EPM2A: variants seen among roughly 807,000 people sequenced by gnomAD.
The protein encoded by EPM2A is laforin.
EPM2A carries 21 observed loss-of-function variants against 26.5 expected under a neutral mutation model. The ratio of observed to expected loss-of-function variants is 0.79; its 90% confidence interval spans 0.56 to 1.14. The LOEUF is 1.14. Among genes scored for constraint, EPM2A ranks in the 50% most tolerant of loss-of-function variants. The probability of loss-of-function intolerance (pLI) is 0.00; values close to 1 mark genes in which losing one functional copy is unlikely to be tolerated. For synonymous variants in EPM2A, 217 were observed against 177.6 expected (o/e 1.22, Z -1.76); for missense variants, 458 against 440.8 (o/e 1.04, Z -0.35).
intron 4 of EPM2A, among the ~76,000 whole-genome samples, chr6:145,412,124 G>A (rs1303917938): frequency 6.6e-6 from 1 of 151,620 alleles, no homozygotes; most frequent in Non-Finnish European, 1.5e-5. Flanking sequence ...GGCTGAGGCA[G>A]GAGAATCTCT....
At chr6:145,722,609 G>T (rs1775999908) in intron 1 of EPM2A, 2 of 251,180 alleles carry the variant, frequency 8.0e-6, no homozygotes, top group Non-Finnish European at 1.6e-5. Context: ...TTTGGTGAAT[G>T]AAGTATTAGA....
chr6:145,599,633 T>G (rs1781390555), intron 2 of EPM2A, among the ~76,000 whole-genome samples: 1 of 152,020 alleles, frequency 6.6e-6, no homozygotes, highest in Non-Finnish European at 1.5e-5. Context: ...GGTCTTTTTC[T>G]TATATATTGG....
Position 145,489,483 on chromosome 6 carries a change from A to C in EPM2A, c.555+13039T>G, listed in dbSNP as rs535327121. 16 of 530,880 alleles carry C rather than the reference A, an allele frequency of 3.0e-5. 1 individual carries two copies. The Middle Eastern group carries it at 2.1e-3, about 71-fold the overall frequency. The allele number at this position is 530,880 out of a possible 1,614,324, so 32.9% of individuals were successfully genotyped here. Reference sequence around the variant, plus strand: ...TCTGGCATTGAGCTGGGGAAGAGGAATCAATTTGTTTCAACAAAAACAATT... The same window carrying C: ...TCTGGCATTGAGCTGGGGAAGAGGACTCAATTTGTTTCAACAAAAACAATT... On this transcript the variant is annotated intron_variant, in intron 4 of 4. Coordinates refer to the EPM2A transcript ENST00000638717.
intron 2 of EPM2A, among the ~76,000 whole-genome samples, chr6:145,616,782 G>A (rs953918785): frequency 5.3e-5 from 8 of 152,196 alleles, no homozygotes; most frequent in South Asian, 4.1e-4. Flanking sequence ...ACTGGGTATC[G>A]AACTTGCATG....
intron 4 of EPM2A, among the ~76,000 whole-genome samples, chr6:145,409,005 G>A (rs764514176): frequency 2.6e-5 from 4 of 152,122 alleles, no homozygotes; most frequent in Non-Finnish European, 4.4e-5. Flanking sequence ...ACCACAGCAA[G>A]TACTAATACC....
At chr6:145,498,302 G>T (rs938386477), downstream of EPM2A, among the ~76,000 whole-genome samples, 1 of 152,172 alleles carries the variant, frequency 6.6e-6, no homozygotes, top group African/African-American at 2.4e-5. Context: ...CATGGAAGTG[G>T]GGCCCTCAGA....
At chr6:145,697,197 A>G (rs1781643124) in intron 1 of EPM2A, among the ~76,000 whole-genome samples, 1 of 152,120 alleles carries the variant, frequency 6.6e-6, no homozygotes, top group Non-Finnish European at 1.5e-5. Context: ...AGAAATTTTA[A>G]AGCTGGGTGT....
intron 4 of EPM2A, among the ~76,000 whole-genome samples, chr6:145,466,407 G>A (rs552984833): frequency 6.6e-6 from 1 of 152,274 alleles, no homozygotes; most frequent in South Asian, 2.1e-4. Context: ...CATCATCACT[G>A]GCCATCAGAG....
intron 4 of EPM2A, among the ~76,000 whole-genome samples, chr6:145,412,830 G>T (rs975406162): frequency 2.6e-5 from 4 of 152,116 alleles, no homozygotes; most frequent in African/African-American, 9.7e-5. Context: ...ATGTGATTTT[G>T]CAAGAGGCCC....
At chr6:145,693,226 G>T (rs968252530) in intron 1 of EPM2A, among the ~76,000 whole-genome samples, 2 of 151,918 alleles carry the variant, frequency 1.3e-5, no homozygotes, top group African/African-American at 4.8e-5. Context: ...GATGCTGTTG[G>T]TATATAGAAA....
intron 2 of EPM2A, among the ~76,000 whole-genome samples, chr6:145,503,313 G>A (rs1285286156): frequency 1.3e-5 from 2 of 149,430 alleles, no homozygotes; most frequent in African/African-American, 5.0e-5. Context: ...GTCCCTGTTT[G>A]CAGACGACAT....
intron 3 of EPM2A, chr6:145,633,577 A>G (rs1251779158): frequency 6.6e-6 from 1 of 152,386 alleles, no homozygotes; most frequent in Non-Finnish European, 1.5e-5. Flanking sequence ...ACACAGATCA[A>G]CAAAGGGGCC....
rs1779735864 is a variant in EPM2A at position 145,490,108 on chromosome 6, A to T, written c.555+12414T>A. The T allele has an allele frequency of 3.3e-6, 4 of 1,219,410 alleles. 1 individual carries two copies. In the South Asian group the frequency reaches 5.8e-5, roughly 18 times the overall value. The allele number at this position is 1,219,410 out of a possible 1,614,324, so 75.5% of individuals were successfully genotyped here. On this transcript the variant is annotated intron_variant, in intron 4 of 4. Transcript: ENST00000638717. Reference sequence around the variant, plus strand: ...CACGCACCTTCCCAATTTGTTATATAATAGTCATTGATATGTCACAGGTTC... The same window carrying T: ...CACGCACCTTCCCAATTTGTTATATTATAGTCATTGATATGTCACAGGTTC...
At chr6:145,443,122 C>T (rs775067045) in intron 4 of EPM2A, among the ~76,000 whole-genome samples, 9 of 152,156 alleles carry the variant, frequency 5.9e-5, no homozygotes, top group Non-Finnish European at 1.2e-4. Flanking sequence ...CCACCTGCCT[C>T]GGCCTCCCAA....
chr6:145,470,010 T>A (rs1291593818), intron 4 of EPM2A, among the ~76,000 whole-genome samples: 1 of 151,948 alleles, frequency 6.6e-6, no homozygotes, highest in African/African-American at 2.4e-5. Context: ...GAACTATGAT[T>A]CCCAGAGGCT....
chr6:145,538,718 T>C (rs1446267737), intron 2 of EPM2A, among the ~76,000 whole-genome samples: 3 of 152,264 alleles, frequency 2.0e-5, no homozygotes, highest in Non-Finnish European at 4.4e-5. Context: ...AAATTGTTTT[T>C]ATGCTAAGAT....
At chr6:145,609,888 T>G (rs574186229) in intron 2 of EPM2A, among the ~76,000 whole-genome samples, 12 of 152,340 alleles carry the variant, frequency 7.9e-5, no homozygotes, top group Admixed American at 2.6e-4. Context: ...GGAATTTATA[T>G]GATGAAATCT....
chr6:145,663,443 C>A (rs529144076), intron 2 of EPM2A, among the ~76,000 whole-genome samples: 5 of 152,304 alleles, frequency 3.3e-5, no homozygotes, highest in African/African-American at 9.6e-5. Flanking sequence ...ATTGCCTCAC[C>A]TGGGAAGCGC....
chr6:145,575,393 T>C (rs1781017391), intron 2 of EPM2A, among the ~76,000 whole-genome samples: 1 of 152,210 alleles, frequency 6.6e-6, no homozygotes, highest in South Asian at 2.1e-4. Context: ...ACACACCTTT[T>C]GTTGCAGGTC....
Sources: allele counts gnomAD v4.1 joint callset (sites outside exome capture counted in the v4.1 genomes callset), GRCh38; gene constraint gnomAD v4.1.1; transcripts MANE v1.5; gene names NCBI Gene and HGNC (gene_info 2026-07-23, HGNC 2026-07-21).